The following DYRK4 variants were observed in gnomAD, a reference collection of about 807,000 sequenced individuals.
DYRK4 encodes dual specificity tyrosine phosphorylation regulated kinase 4, also known as dual specificity tyrosine-phosphorylation-regulated kinase 4.
In DYRK4, 64 loss-of-function variants were observed where a neutral mutation model predicts 68.3. The observed-to-expected ratio is 0.94, with a 90% CI of 0.77 to 1.15. The LOEUF is 1.15. Among genes scored for constraint, DYRK4 ranks in the 50% most tolerant of loss-of-function variants. The pLI is 0.00. For synonymous variants in DYRK4, 274 were observed against 289.9 expected (o/e 0.95, Z 0.56); for missense variants, 740 against 764.7 (o/e 0.97, Z 0.38).
chr12:4,613,306 G>A lies in DYRK4; in HGVS notation c.1667-209G>A, dbSNP rs1435860048. The stretch of plus-strand genomic sequence containing the variant: ...ATTTATGAGAATGAGAATAAAGCCT[G>A]TTCTCCAGGGTCGCTGAAATGATCA... On this transcript the variant is annotated intron_variant, in intron 14 of 14. Coordinates refer to ENST00000543431, the MANE Select transcript of DYRK4 (RefSeq NM_001394779.1). The surrounding 1 kb of genome is among the most constrained non-coding windows in gnomAD (Gnocchi z 4.0). Among the ~76,000 whole-genome samples the A allele has an allele frequency of 1.3e-5, 2 of 152,196 alleles. No homozygotes were observed. The highest frequency in any genetic ancestry group is 2.9e-5 in the Non-Finnish European group (2 of 68,026).
chr12:4,606,089 A>G (rs553366340), intron 11 of DYRK4, among the ~76,000 whole-genome samples: 1 of 152,386 alleles, frequency 6.6e-6, no homozygotes, highest in Admixed American at 6.5e-5. Context: ...TGGGAAAACT[A>G]TCTCCTAATA....
intron 2 of DYRK4, among the ~76,000 whole-genome samples, chr12:4,574,740 C>T (rs1214882565): frequency 6.6e-6 from 1 of 152,070 alleles, no homozygotes; most frequent in Admixed American, 6.5e-5. Flanking sequence ...TTTTTTTAGA[C>T]ACAGTCTTGC....
At chr12:4,605,729 G>GTTTTTGTT (rs1945139406) in intron 11 of DYRK4, among the ~76,000 whole-genome samples, 1 of 102,118 alleles carries the variant, frequency 9.8e-6, no homozygotes, top group African/African-American at 3.7e-5. Context: ...ATAGAGCTGG[G>GTTTTTGTT]TTTTTTTTTT....
At position 4,589,008 on chromosome 12, in the gene DYRK4, C is replaced by G. The variant is rs1944925619; in HGVS notation, c.204C>G (p.Val68=). ...SNIKNSRMTQ[V]FHKNTSVTSL... ...TCAAGAACTCCAGAATGACCCAAGT[C>G]TTTCATAAGGTAGGGAGTGATGGTC... is the stretch of plus-strand genomic sequence containing the variant. The change falls in exon 3 of 15, where the codon GTC becomes GTG. Residue 68 remains valine (V), a synonymous_variant. Coordinates refer to ENST00000543431, the MANE Select transcript of DYRK4 (RefSeq NM_001394779.1). The G allele has an allele frequency of 1.3e-6, 2 of 1,536,070 alleles. No homozygotes were observed. Among genetic ancestry groups the G allele is most frequent in the South Asian group, 2.4e-5 (2 of 84,062 alleles).
rs1241182100 is a variant in DYRK4, at chr12:4,591,960, A to T, written c.463+662A>T. 2 of 152,274 alleles carry T rather than the reference A, an allele frequency of 1.3e-5. No homozygotes were observed. Among genetic ancestry groups the T allele is most frequent in the Non-Finnish European group, 1.5e-5 (1 of 68,086 alleles). 9.4% of individuals were successfully genotyped at this position (152,274 alleles called of 1,614,324 possible). On this transcript the variant is annotated intron_variant, in intron 5 of 14. Coordinates refer to ENST00000543431, the MANE Select transcript of DYRK4 (RefSeq NM_001394779.1). This position sits in a 1 kb window ranked among gnomAD's most constrained non-coding sequence, Gnocchi z 4.1. ...GATTACACATGGGTTTTTGGCCAGT[A>T]GCTAGACTTTTAATGGGATTCAGAG...
chr12:4,581,103 C>A, intron 2 of DYRK4: 1 of 278,924 alleles, frequency 3.6e-6, no homozygotes, highest in Non-Finnish European at 7.2e-6. Flanking sequence ...GAGGGCAGGA[C>A]ATAATACTCC....
intron 2 of DYRK4, among the ~76,000 whole-genome samples, chr12:4,575,305 G>T (rs1944777341): frequency 6.7e-6 from 1 of 150,088 alleles, no homozygotes; most frequent in Non-Finnish European, 1.5e-5. Flanking sequence ...CTTACTGTGT[G>T]TGTGTGTGTG....
At chr12:4,596,965 C>T in intron 8 of DYRK4, 1 of 1,368,630 alleles carries the variant, frequency 7.3e-7, no homozygotes, top group Non-Finnish European at 9.4e-7. Context: ...GTGCTGGGTA[C>T]TGAGCCAGGT....
chr12:4,592,471 G>A (rs1205338972), intron 5 of DYRK4: 2 of 152,248 alleles, frequency 1.3e-5, no homozygotes, highest in East Asian at 3.8e-4. Context: ...ATGTGATCTG[G>A]CTGGTGTAGG....
intron 2 of DYRK4, among the ~76,000 whole-genome samples, chr12:4,583,536 A>C (rs927509038): frequency 2.0e-5 from 3 of 152,012 alleles, no homozygotes; most frequent in Admixed American, 6.6e-5. Context: ...CTGAGACTAC[A>C]GGCGCCTGCC....
intron 11 of DYRK4, among the ~76,000 whole-genome samples, chr12:4,607,072 G>GCCCACCCCTAGTTGGTGC (rs1945160707): frequency 6.6e-6 from 1 of 152,126 alleles, no homozygotes; most frequent in African/African-American, 2.4e-5. Flanking sequence ...AAGGGTGGTG[G>GCCCACCCCTAGTTGGTGC]CCCACCCCTA....
rs553745610 is a variant in DYRK4 at position 4,613,791 on chromosome 12, G to A, written c.*38G>A. The A allele has an allele frequency of 6.8e-7, 1 of 1,468,896 alleles. No individual in the cohort carries two copies. The highest frequency in any genetic ancestry group is 1.4e-5 in the African/African-American group (1 of 71,338). 91.0% of individuals were successfully genotyped at this position (1,468,896 alleles called of 1,614,324 possible). ...GTATGTCCTGCTCCTTTCCACCAGT[G>A]ATTTGTATTAAGACAGCACTTATAT... On this transcript the variant is annotated 3_prime_UTR_variant, in exon 15 of 15. Transcript: ENST00000543431. The surrounding 1 kb of genome is among the most constrained non-coding windows in gnomAD (Gnocchi z 4.0).
chr12:4,572,438 C>CTGT (rs1259625448), intron 2 of DYRK4, among the ~76,000 whole-genome samples: 11 of 151,928 alleles, frequency 7.2e-5, no homozygotes, highest in Non-Finnish European at 1.3e-4. Context: ...CCCGCCACCA[C>CTGT]ACCTGGCTAA....
intron 12 of DYRK4, among the ~76,000 whole-genome samples, chr12:4,608,462 GA>G (rs1378045896): frequency 6.6e-6 from 1 of 152,148 alleles, no homozygotes; most frequent in Non-Finnish European, 1.5e-5. Context: ...CTCTCGTGGG[GA>G]GATCCTTTAG....
chr12:4,584,552 C>CT (rs35018398), intron 2 of DYRK4, among the ~76,000 whole-genome samples: 1,099 of 103,858 alleles, frequency 0.011, 17 homozygotes, highest in East Asian at 0.017. Context: ...TCTAATCAGC[C>CT]TTTTTTTTTT....
At chr12:4,587,325 C>G (rs935168226) in intron 2 of DYRK4, among the ~76,000 whole-genome samples, 1 of 152,170 alleles carries the variant, frequency 6.6e-6, no homozygotes, top group African/African-American at 2.4e-5. Context: ...CAAGCCTCAC[C>G]CATTCAGAAG....
intron 2 of DYRK4, among the ~76,000 whole-genome samples, chr12:4,578,062 A>G (rs927013221): frequency 6.6e-6 from 1 of 152,222 alleles, no homozygotes; most frequent in Non-Finnish European, 1.5e-5. Flanking sequence ...GTAATTAATT[A>G]AAAGCAGGTA....
intron 8 of DYRK4, among the ~76,000 whole-genome samples, chr12:4,598,427 C>T (rs1945043041): frequency 6.6e-6 from 1 of 152,216 alleles, no homozygotes; most frequent in African/African-American, 2.4e-5. Context: ...ATATTAGTTT[C>T]TAACATTCGT....
chr12:4,565,984 G>A (rs929857214), intron 1 of DYRK4, among the ~76,000 whole-genome samples: 2 of 152,138 alleles, frequency 1.3e-5, no homozygotes, highest in South Asian at 2.1e-4. Context: ...GGCAACACTC[G>A]ATACAGAGTC....
Sources: gnomAD v4.1 joint callset for allele counts (sites outside exome capture counted in the v4.1 genomes callset) on GRCh38, gnomAD v4.1.1 for gene constraint, Gnocchi (gnomAD v3.1) non-coding constraint, MANE v1.5 for transcripts, NCBI Gene and HGNC (gene_info 2026-07-23, HGNC 2026-07-21) for gene names.